GAS7: variants seen among roughly 807,000 people sequenced by gnomAD.
GAS7 encodes growth arrest specific 7, also known as growth arrest-specific protein 7.
GAS7 carries 28 observed loss-of-function variants against 71.1 expected under a neutral mutation model. The ratio of observed to expected loss-of-function variants is 0.39; its 90% CI spans 0.29 to 0.54. The LOEUF (loss-of-function observed/expected upper bound fraction) is 0.54. GAS7 is among the 20% of genes least tolerant of loss of function. The probability of loss-of-function intolerance (pLI) is 0.62; values close to 1 mark genes in which losing one functional copy is unlikely to be tolerated. For synonymous variants in GAS7, 258 were observed against 245.8 expected (o/e 1.05, Z -0.46); for missense variants, 436 against 627.8 (o/e 0.69, Z 3.27).
At chr17:10,113,302 T>C (rs1353344056) in intron 1 of GAS7, among the ~76,000 whole-genome samples, 5 of 152,176 alleles carry the variant, frequency 3.3e-5, no homozygotes, top group South Asian at 2.1e-4. Context: ...TACAAACACA[T>C]ATATTCTTTG....
intron 1 of GAS7, among the ~76,000 whole-genome samples, chr17:10,101,165 G>A (rs890272479): frequency 5.3e-5 from 8 of 152,096 alleles, no homozygotes; most frequent in South Asian, 4.1e-4. Context: ...AGGTATCCAC[G>A]CATGGTTTTC....
chr17:9,993,664 T>C (rs1430480861), intron 2 of GAS7, among the ~76,000 whole-genome samples: 1 of 151,142 alleles, frequency 6.6e-6, no homozygotes, highest in Non-Finnish European at 1.5e-5. Flanking sequence ...AACATAGTGT[T>C]GGAAGTTCTG....
At chr17:9,992,279 T>A (rs2152143995) in intron 2 of GAS7, among the ~76,000 whole-genome samples, 1 of 152,080 alleles carries the variant, frequency 6.6e-6, no homozygotes, top group African/African-American at 2.4e-5. Flanking sequence ...CCCAACCTTC[T>A]AAGAGCCGCG....
intron 1 of GAS7, among the ~76,000 whole-genome samples, chr17:10,167,628 A>C (rs1440531025): frequency 3.9e-5 from 6 of 152,166 alleles, no homozygotes; most frequent in East Asian, 1.9e-4. Context: ...CATCGAACAC[A>C]GGCACTTGTG....
intron 1 of GAS7, among the ~76,000 whole-genome samples, chr17:10,053,254 G>A (rs1035949178): frequency 5.3e-5 from 8 of 152,250 alleles, no homozygotes; most frequent in Non-Finnish European, 7.4e-5. Context: ...CAACGGCTTC[G>A]CGAGCCTGGG....
chr17:10,163,059 AG>A (rs2074268041), intron 1 of GAS7, among the ~76,000 whole-genome samples: 1 of 152,238 alleles, frequency 6.6e-6, no homozygotes, highest in Admixed American at 6.5e-5. Context: ...AAAATATTTT[AG>A]AAACAGGCCA....
chr17:10,048,432 G>A (rs1197208420), intron 1 of GAS7, among the ~76,000 whole-genome samples: 1 of 152,176 alleles, frequency 6.6e-6, no homozygotes, highest in African/African-American at 2.4e-5. Flanking sequence ...TGGCTAGAGA[G>A]CTCTTTCTAC....
chr17:9,917,906 A>G, intron 13 of GAS7, 95 bp downstream of exon 13: 1 of 844,654 alleles, frequency 1.2e-6, no homozygotes, highest in Non-Finnish European at 1.9e-6. Context: ...GGGCAGATTC[A>G]CTTGCAGCAG....
At chr17:10,102,287 C>T (rs1379261714) in intron 1 of GAS7, among the ~76,000 whole-genome samples, 1 of 146,744 alleles carries the variant, frequency 6.8e-6, no homozygotes, top group African/African-American at 2.5e-5. Context: ...GAGGGGAGCA[C>T]AAGGTGACCC....
chr17:10,110,560 G>C (rs2073801998), intron 1 of GAS7, among the ~76,000 whole-genome samples: 1 of 152,126 alleles, frequency 6.6e-6, no homozygotes, highest in Non-Finnish European at 1.5e-5. Context: ...CCGTCTCCCG[G>C]GTTCAACCAA....
intron 1 of GAS7, among the ~76,000 whole-genome samples, chr17:10,085,706 A>AAAAAAAAAAAAAAAAAAAAGAAAGAAAG (rs1555531934): frequency 1.5e-5 from 2 of 134,916 alleles, no homozygotes; most frequent in Non-Finnish European, 1.5e-5. Context: ...AAAAAAAAAA[A>AAAAAAAAAAAAAAAAAAAAGAAAGAAAG]AAAGAAAGAA....
At chr17:10,118,429 G>A (rs2073879103) in intron 1 of GAS7, among the ~76,000 whole-genome samples, 1 of 152,150 alleles carries the variant, frequency 6.6e-6, no homozygotes, top group African/African-American at 2.4e-5. Flanking sequence ...AGCCCTCGTG[G>A]GCTGGGCGCA....
intron 1 of GAS7, among the ~76,000 whole-genome samples, chr17:10,194,744 C>G (rs1027719864): frequency 6.7e-6 from 1 of 149,660 alleles, no homozygotes; most frequent in Non-Finnish European, 1.5e-5. Flanking sequence ...GAGGCCGAGG[C>G]GGGTGGATCA....
rs1481115183 is a variant in GAS7, at chr17:9,951,540, T to C, written c.526-4557A>G. Among the ~76,000 whole-genome samples the C allele has an allele frequency of 2.0e-5, 3 of 152,124 alleles. No homozygotes were observed. The East Asian group carries it at 5.8e-4, about 29-fold the overall frequency. The stretch of plus-strand genomic sequence containing the variant: ...GGGAGGCCGAGATGGGTGGATCACC[T>C]GAGGTCGGGAGTTGGAGACCAGCCT... On this transcript the variant is annotated intron_variant, in intron 5 of 13. Transcript: ENST00000432992.
chr17:10,010,829 C>G (rs1213826429), intron 2 of GAS7, among the ~76,000 whole-genome samples: 1 of 152,102 alleles, frequency 6.6e-6, no homozygotes, highest in African/African-American at 2.4e-5. Flanking sequence ...ACTTTTACAC[C>G]AAGTCAGATC....
chr17:10,149,149 C>A (rs1225953323), intron 1 of GAS7, among the ~76,000 whole-genome samples: 2 of 152,154 alleles, frequency 1.3e-5, no homozygotes, highest in African/African-American at 4.8e-5. Context: ...ATCACCCAGA[C>A]TGGAGTGCAG....
chr17:9,976,815 C>T (rs996514156), intron 3 of GAS7, among the ~76,000 whole-genome samples: 8 of 152,186 alleles, frequency 5.3e-5, no homozygotes, highest in African/African-American at 1.9e-4. Flanking sequence ...TTCTTTTATC[C>T]TTAAGAAAAA....
At chr17:10,194,477 T>G (rs1452058130) in intron 1 of GAS7, among the ~76,000 whole-genome samples, 1 of 152,200 alleles carries the variant, frequency 6.6e-6, no homozygotes, top group Non-Finnish European at 1.5e-5. Context: ...GATGGAGATC[T>G]AGGATTCTCT....
intron 2 of GAS7, among the ~76,000 whole-genome samples, chr17:9,997,270 G>GTC (rs1351734785): frequency 1.3e-5 from 2 of 151,772 alleles, no homozygotes; most frequent in Admixed American, 6.6e-5. Flanking sequence ...GGTGGAAACA[G>GTC]TCCATAAGAC....
Sources: gnomAD v4.1 joint callset for allele counts (sites outside exome capture counted in the v4.1 genomes callset) on GRCh38, gnomAD v4.1.1 for gene constraint, MANE v1.5 for transcripts, NCBI Gene and HGNC (gene_info 2026-07-23, HGNC 2026-07-21) for gene names.